The following KLRG1 variants were observed in gnomAD, a reference collection of about 807,000 sequenced individuals.
KLRG1 encodes the protein killer cell lectin-like receptor subfamily G member 1.
A neutral mutation model predicts 21.8 loss-of-function variants in KLRG1; 16 were observed. That is an observed-to-expected ratio of 0.73 (90% CI 0.50 to 1.11). The LOEUF (loss-of-function observed/expected upper bound fraction) is 1.11. KLRG1 is among the 50% of genes most tolerant of loss of function. The pLI is 0.00. For missense variants in KLRG1, 173 were observed against 218.3 expected, an observed-to-expected ratio of 0.79 and a Z score of 1.31; for synonymous variants, 69 against 75.9, an observed-to-expected ratio of 0.91 and a Z score of 0.47.
the KLRG1 span, among the ~76,000 whole-genome samples, chr12:9,034,084 A>G: frequency 6.6e-6 from 1 of 152,356 alleles, no homozygotes; most frequent in South Asian, 2.1e-4. Context: ...GTATTTGTGT[A>G]TTGTATCAGT....
chr12:9,114,963 C>T, the KLRG1 span, among the ~76,000 whole-genome samples: 85,237 of 151,976 alleles, frequency 0.56, 25,524 homozygotes, highest in African/African-American at 0.76. Context: ...GAATGATGAG[C>T]TGTTTTTTCC....
chr12:9,132,380 G>A, the KLRG1 span, among the ~76,000 whole-genome samples: 1 of 152,346 alleles, frequency 6.6e-6, no homozygotes, highest in Admixed American at 6.5e-5. Flanking sequence ...ACAGTGTTAA[G>A]TCATCTGCAA....
At chr12:8,967,908 C>T (rs1285858545) in intron 1 of KLRG1, among the ~76,000 whole-genome samples, 1 of 145,590 alleles carries the variant, frequency 6.9e-6, no homozygotes, top group African/African-American at 2.6e-5. Flanking sequence ...CAATGGAGAA[C>T]CTAGAGCAAT....
intron 1 of KLRG1, among the ~76,000 whole-genome samples, chr12:8,966,926 G>A (rs1456450256): frequency 6.7e-6 from 1 of 148,204 alleles, no homozygotes; most frequent in Non-Finnish European, 1.5e-5. Context: ...CAAAGACTTG[G>A]AACCAACCCA....
chr12:9,129,887 T>C, the KLRG1 span, among the ~76,000 whole-genome samples: 1 of 152,212 alleles, frequency 6.6e-6, no homozygotes, highest in Non-Finnish European at 1.5e-5. Flanking sequence ...GTAAAGTATA[T>C]ACACATTGTT....
At chr12:9,051,186 G>A in the KLRG1 span, among the ~76,000 whole-genome samples, 12 of 152,334 alleles carry the variant, frequency 7.9e-5, no homozygotes, top group South Asian at 8.3e-4. Flanking sequence ...TGGAGAGAAC[G>A]GAGAGAGGAC....
At chr12:8,964,952 C>T (rs778394000) in intron 1 of KLRG1, among the ~76,000 whole-genome samples, 23 of 152,086 alleles carry the variant, frequency 1.5e-4, no homozygotes, top group African/African-American at 4.6e-4. Flanking sequence ...GATGGGTTTC[C>T]GGAATACAGC....
In KLRG1 at chr12:9,009,557, G is replaced by T; in HGVS notation, c.*20G>T. On this transcript the variant is annotated 3_prime_UTR_variant, in exon 5 of 5. Coordinates refer to ENST00000356986, the MANE Select transcript of KLRG1 (RefSeq NM_005810.4). ...CTTTGATAGATGACCACTCTGTCCT[G>T]ACCCTCAGATCTGTCATGTATCCCT... The T allele has an allele frequency of 6.2e-7, 1 of 1,612,954 alleles. No individual in the cohort carries two copies. The highest frequency in any genetic ancestry group is 1.1e-5 in the South Asian group (1 of 90,964).
At chr12:9,136,040 CT>C in the KLRG1 span, among the ~76,000 whole-genome samples, 1 of 152,146 alleles carries the variant, frequency 6.6e-6, no homozygotes, top group African/African-American at 2.4e-5. Context: ...TACGACAAGA[CT>C]TTTACCTAGC....
At chr12:9,010,866 G>T (rs1209624462), downstream of KLRG1, 1 of 152,188 alleles carries the variant, frequency 6.6e-6, no homozygotes, top group African/African-American at 2.4e-5. Flanking sequence ...GTCTTCAGTA[G>T]CTAACTCTAC....
At chr12:9,124,581 G>A in the KLRG1 span, among the ~76,000 whole-genome samples, 1 of 152,208 alleles carries the variant, frequency 6.6e-6, no homozygotes, top group Non-Finnish European at 1.5e-5. Flanking sequence ...AGTTGGCTGC[G>A]CGGGAGATTC....
chr12:9,103,577 T>G, the KLRG1 span, among the ~76,000 whole-genome samples: 5 of 152,320 alleles, frequency 3.3e-5, no homozygotes, highest in East Asian at 9.7e-4. Flanking sequence ...TTTCTCTCTT[T>G]CCCTAGCCCT....
chr12:8,954,354 G>A (rs116893295), intron 1 of KLRG1, among the ~76,000 whole-genome samples: 5,662 of 151,714 alleles, frequency 0.037, 166 homozygotes, highest in Middle Eastern at 0.065. Context: ...GTAACATAAG[G>A]ACTATAGTTA....
the KLRG1 span, among the ~76,000 whole-genome samples, chr12:9,145,568 A>G: frequency 1.3e-5 from 2 of 152,218 alleles, no homozygotes; most frequent in African/African-American, 4.8e-5. Flanking sequence ...AACTGGAAGT[A>G]AAAGTGACTT....
the KLRG1 span, among the ~76,000 whole-genome samples, chr12:9,071,445 TACTTA>T: frequency 1.3e-4 from 20 of 152,206 alleles, no homozygotes; most frequent in Middle Eastern, 3.4e-3. Context: ...TATATATATA[TACTTA>T]ACTTTTAGGT....
At chr12:9,150,329 C>T in the KLRG1 span, among the ~76,000 whole-genome samples, 226 of 152,270 alleles carry the variant, frequency 1.5e-3, 1 homozygote, top group African/African-American at 5.4e-3. Flanking sequence ...GTCACCTGGG[C>T]TGGAGTGCAA....
the KLRG1 span, among the ~76,000 whole-genome samples, chr12:9,173,698 A>C: frequency 2.0e-5 from 3 of 152,260 alleles, no homozygotes; most frequent in East Asian, 5.8e-4. Context: ...TACTATAAAC[A>C]CCTCTGTCTA....
chr12:9,169,320 A>G, the KLRG1 span: 1 of 1,114,436 alleles, frequency 9.0e-7, no homozygotes, highest in Non-Finnish European at 1.2e-6. Context: ...TGTCTGCTGA[A>G]AAATGGAGAG....
the KLRG1 span, chr12:9,161,109 A>G: frequency 1.9e-6 from 3 of 1,574,990 alleles, no homozygotes; most frequent in East Asian, 2.2e-5. Flanking sequence ...GCTCAGACAC[A>G]TTAGCACCTT....
Sources: gnomAD v4.1 joint callset for allele counts (sites outside exome capture counted in the v4.1 genomes callset) on GRCh38, gnomAD v4.1.1 for gene constraint, MANE v1.5 for transcripts, NCBI Gene and HGNC (gene_info 2026-07-23, HGNC 2026-07-21) for gene names.